Variants in MAP7 observed in about 807,000 individuals in gnomAD.
MAP7 encodes ensconsin.
MAP7 carries 52 observed loss-of-function variants against 94.8 expected under a neutral mutation model. The observed-to-expected ratio is 0.55, with a 90% confidence interval of 0.44 to 0.69. The LOEUF (loss-of-function observed/expected upper bound fraction) is 0.69. MAP7 is among the 30% of genes least tolerant of loss of function. MAP7 has a pLI of 0.00. For missense variants in MAP7, 940 were observed against 964.6 expected, an observed-to-expected ratio of 0.97 and a Z score of 0.34; for synonymous variants, 350 against 357.0, an observed-to-expected ratio of 0.98 and a Z score of 0.22.
rs1170760031 is a variant in MAP7, at chr6:136,366,032, A to G, written c.990-14T>C. ...TTGGACGGAAGCCTGGGCCACAAACAAACAAGGCAGACAAAAGGGGACACA... is the reference window on the plus strand; with the variant it reads ...TTGGACGGAAGCCTGGGCCACAAACGAACAAGGCAGACAAAAGGGGACACA... On this transcript the variant is annotated splice_polypyrimidine_tract_variant and intron_variant, in intron 9 of 17. Transcript: ENST00000354570. 2 of 1,601,766 alleles carry G rather than the reference A, an allele frequency of 1.2e-6. No homozygotes were observed. The highest frequency in any genetic ancestry group is 1.1e-5 in the South Asian group (1 of 90,626).
At chr6:136,496,353 A>G (rs776061261) in intron 1 of MAP7, among the ~76,000 whole-genome samples, 7 of 152,226 alleles carry the variant, frequency 4.6e-5, no homozygotes, top group Non-Finnish European at 1.0e-4. Context: ...ATGTCATACA[A>G]CTAATAAATG....
intron 16 of MAP7, among the ~76,000 whole-genome samples, chr6:136,349,599 T>C (rs1039279502): frequency 1.1e-4 from 17 of 152,200 alleles, no homozygotes; most frequent in Non-Finnish European, 2.4e-4. Context: ...CTTGAACTCC[T>C]GGGCTCAAGT....
chr6:136,456,767 G>GAAGAAGAAGAAGAAGAAGAAGAA (rs1803062275), intron 1 of MAP7, among the ~76,000 whole-genome samples: 1 of 60,520 alleles, frequency 1.7e-5, no homozygotes, highest in African/African-American at 7.3e-5. Flanking sequence ...AGGAGGAGGA[G>GAAGAAGAAGAAGAAGAAGAAGAA]GAAGAAGAAG....
chr6:136,538,027 C>T lies in MAP7; in HGVS notation c.67+12315G>A, dbSNP rs1023112446. On this transcript the variant is annotated intron_variant, in intron 1 of 17. Coordinates refer to ENST00000354570, the MANE Select transcript of MAP7 (RefSeq NM_003980.6). ...GAACTCCCGACCTCGGGTGATCAGCCGGCCTCGGCCTCCCAAAGTGCTGGG... is the reference window on the plus strand; with the variant it reads ...GAACTCCCGACCTCGGGTGATCAGCTGGCCTCGGCCTCCCAAAGTGCTGGG... Among the ~76,000 whole-genome samples, 7 of 152,206 alleles carry T rather than the reference C, an allele frequency of 4.6e-5. No individual in the cohort carries two copies. The East Asian group carries it at 5.8e-4, about 13-fold the overall frequency.
chr6:136,357,967 A>G (rs1412091448), intron 15 of MAP7, among the ~76,000 whole-genome samples: 1 of 151,986 alleles, frequency 6.6e-6, no homozygotes, highest in African/African-American at 2.4e-5. Context: ...AGGTCTGTAA[A>G]CTCGCCTGCC....
intron 3 of MAP7, among the ~76,000 whole-genome samples, chr6:136,391,555 A>AAAACAACAACAACAAC (rs1554241525): frequency 2.5e-4 from 38 of 149,750 alleles, no homozygotes; most frequent in African/African-American, 9.1e-4. Context: ...GTATAATAAA[A>AAAACAACAACAACAAC]AACAACAACA....
At chr6:136,478,979 CAAAAAAA>C (rs59319740) in intron 1 of MAP7, among the ~76,000 whole-genome samples, 3 of 45,580 alleles carry the variant, frequency 6.6e-5, no homozygotes, top group Admixed American at 2.2e-4. Flanking sequence ...ACAGACACAT[CAAAAAAA>C]AAAAAAAAAG....
intron 10 of MAP7, chr6:136,364,615 G>A (rs569197175): frequency 5.3e-4 from 106 of 199,830 alleles, no homozygotes; most frequent in African/African-American, 2.4e-3. Flanking sequence ...AGAAACATTG[G>A]TGTGCGACTT....
chr6:136,523,965 G>T (rs1005565087), intron 1 of MAP7, among the ~76,000 whole-genome samples: 19 of 152,150 alleles, frequency 1.2e-4, no homozygotes, highest in Non-Finnish European at 5.9e-5. Context: ...AGAGGGCAGG[G>T]CGCAGTGACT....
intron 1 of MAP7, among the ~76,000 whole-genome samples, chr6:136,426,333 T>C (rs1022101967): frequency 1.3e-5 from 2 of 152,212 alleles, no homozygotes; most frequent in African/African-American, 4.8e-5. Flanking sequence ...AATACCTCCA[T>C]GGGCCAGACA....
intron 3 of MAP7, among the ~76,000 whole-genome samples, chr6:136,399,788 T>C (rs1783548995): frequency 6.6e-6 from 1 of 152,240 alleles, no homozygotes; most frequent in Non-Finnish European, 1.5e-5. Flanking sequence ...TGCTGAATAA[T>C]AATTCTTTTT....
Position 136,512,866 on chromosome 6 carries a change from C to G in MAP7, c.67+37476G>C, listed in dbSNP as rs867246823. On this transcript the variant is annotated intron_variant, in intron 1 of 17. Transcript: ENST00000354570. ...TTTTTTTTTTTGAAAGGGTCTCACT[C>G]TGTTGCCCAGGCTGCAGTGCAGTAG... Among the ~76,000 whole-genome samples, 189 of 150,120 alleles carry G rather than the reference C, an allele frequency of 1.3e-3. 4 individuals are homozygous for G. The Middle Eastern group carries it at 0.024, about 19-fold the overall frequency.
At chr6:136,491,125 TCA>T (rs1347084297) in intron 1 of MAP7, among the ~76,000 whole-genome samples, 1 of 152,200 alleles carries the variant, frequency 6.6e-6, no homozygotes, top group African/African-American at 2.4e-5. Context: ...ATATAAATTC[TCA>T]CAGACTATTA....
chr6:136,502,391 C>T (rs1820061376), intron 1 of MAP7, among the ~76,000 whole-genome samples: 1 of 152,226 alleles, frequency 6.6e-6, no homozygotes, highest in African/African-American at 2.4e-5. Context: ...TAATAAAATA[C>T]TAAAGGCTCT....
At chr6:136,506,689 A>G (rs762588780) in intron 1 of MAP7, among the ~76,000 whole-genome samples, 2 of 152,212 alleles carry the variant, frequency 1.3e-5, no homozygotes, top group Non-Finnish European at 2.9e-5. Flanking sequence ...TTTCACCTCC[A>G]AAAAGGAATG....
intron 5 of MAP7, among the ~76,000 whole-genome samples, chr6:136,386,529 T>C (rs1007169171): frequency 6.6e-6 from 1 of 152,188 alleles, no homozygotes; most frequent in Non-Finnish European, 1.5e-5. Flanking sequence ...GATCTAACAG[T>C]GTATATCTGC....
chr6:136,524,972 G>A (rs575426999), intron 1 of MAP7, among the ~76,000 whole-genome samples: 2 of 152,296 alleles, frequency 1.3e-5, no homozygotes, highest in Admixed American at 1.3e-4. Flanking sequence ...TTTGGGGAAG[G>A]GGAAGCAAGA....
chr6:136,373,675 G>C (rs940472780), intron 7 of MAP7, among the ~76,000 whole-genome samples: 2 of 152,146 alleles, frequency 1.3e-5, no homozygotes, highest in Non-Finnish European at 2.9e-5. Flanking sequence ...TTAAACACAA[G>C]TATAGAGAAT....
At chr6:136,531,271 G>T (rs373926453) in intron 1 of MAP7, among the ~76,000 whole-genome samples, 2 of 144,774 alleles carry the variant, frequency 1.4e-5, no homozygotes, top group Non-Finnish European at 2.9e-5. Flanking sequence ...GAAATCAATC[G>T]CTGGGTTCAA....
Sources: allele counts gnomAD v4.1 joint callset (sites outside exome capture counted in the v4.1 genomes callset), GRCh38; gene constraint gnomAD v4.1.1; transcripts MANE v1.5; gene names NCBI Gene and HGNC (gene_info 2026-07-23, HGNC 2026-07-21).